Variants in ERI3 observed in about 807,000 individuals in gnomAD.
ERI3 encodes ERI1 exoribonuclease family member 3.
A neutral mutation model predicts 44.4 loss-of-function variants in ERI3; 18 were observed. The observed-to-expected ratio is 0.41, with a 90% CI of 0.28 to 0.60. The LOEUF is 0.60. Among genes scored for constraint, ERI3 ranks in the 20% least tolerant of loss-of-function variants. The pLI is 0.36. For missense variants in ERI3, 294 were observed against 435.5 expected, an observed-to-expected ratio of 0.68 and a Z score of 2.89; for synonymous variants, 183 against 164.8, an observed-to-expected ratio of 1.11 and a Z score of -0.84.
chr1:44,353,393 A>C (rs1646935866), intron 1 of ERI3: 1 of 985,362 alleles, frequency 1.0e-6, no homozygotes, highest in Admixed American at 6.1e-5. Flanking sequence ...TTCAAGCTCT[A>C]AGAAAGTCAA....
intron 6 of ERI3, among the ~76,000 whole-genome samples, chr1:44,288,955 G>A (rs1028406880): frequency 5.3e-5 from 8 of 152,120 alleles, no homozygotes; most frequent in Non-Finnish European, 7.4e-5. Flanking sequence ...ACTAGCCTGC[G>A]GGCACAAACG....
rs1442618275 is a variant in ERI3, at chr1:44,313,307, T to G, written c.607-79A>C. 3 of 1,358,418 alleles carry G rather than the reference T, an allele frequency of 2.2e-6. No individual in the cohort carries two copies. The Admixed American group carries it at 5.4e-5, about 24-fold the overall frequency. The allele number at this position is 1,358,418 out of a possible 1,614,324, so 84.1% of individuals were successfully genotyped here. ...AGGCTGAACAGGACCCCTTCCTTTC[T>G]GTTTTTCTCCTTCTGTTGTAAAGGG... On this transcript the variant is annotated intron_variant, in intron 4 of 8. Coordinates refer to ENST00000372257, the MANE Select transcript of ERI3 (RefSeq NM_024066.3).
intron 8 of ERI3, among the ~76,000 whole-genome samples, chr1:44,222,888 C>G (rs546852219): frequency 6.6e-6 from 1 of 152,350 alleles, no homozygotes; most frequent in East Asian, 1.9e-4. Flanking sequence ...GGTCAGGAAG[C>G]CTCTGCATGT....
intron 6 of ERI3, among the ~76,000 whole-genome samples, chr1:44,300,185 G>T (rs949546901): frequency 6.6e-6 from 1 of 152,182 alleles, no homozygotes; most frequent in African/African-American, 2.4e-5. Flanking sequence ...AAAGCATGAG[G>T]CTCCTACTGC....
intron 6 of ERI3, among the ~76,000 whole-genome samples, chr1:44,285,418 G>A (rs1645373903): frequency 6.6e-6 from 1 of 152,166 alleles, no homozygotes; most frequent in Non-Finnish European, 1.5e-5. Flanking sequence ...CAAGATAGGA[G>A]GAGAGAAAGG....
At chr1:44,301,329 T>G in intron 6 of ERI3, among the ~76,000 whole-genome samples, 1 of 152,182 alleles carries the variant, frequency 6.6e-6, no homozygotes, top group East Asian at 1.9e-4. Context: ...GAGCCTGGGC[T>G]GATTCTGAGC....
chr1:44,284,856 C>T lies in ERI3; in HGVS notation c.810G>A (p.Lys270=). The change falls in exon 7 of 9, where the codon AAG becomes AAA. Residue 270 remains lysine, a synonymous_variant. Coordinates refer to ENST00000372257, the MANE Select transcript of ERI3 (RefSeq NM_024066.3). The part of the protein sequence containing the change: ...YLGLPVADYF[K]QWINLKKAYS... ...GTACCTTTTTCAGATTAATCCACTGCTTGAAGTAATCCGCCACTGGCAAGC... is the reference window on the plus strand; with the variant it reads ...GTACCTTTTTCAGATTAATCCACTGTTTGAAGTAATCCGCCACTGGCAAGC... 3 of 1,614,098 alleles carry T rather than the reference C, an allele frequency of 1.9e-6. No individual in the cohort carries two copies. The highest frequency in any genetic ancestry group is 2.5e-6 in the Non-Finnish European group (3 of 1,179,976).
chr1:44,349,436 C>T (rs1436910492), intron 2 of ERI3, among the ~76,000 whole-genome samples: 2 of 152,156 alleles, frequency 1.3e-5, no homozygotes, highest in African/African-American at 2.4e-5. Context: ...GTTGGGATTA[C>T]AGGTGTGAGC....
In ERI3 at chr1:44,339,035, G is replaced by A. The variant is rs1255332640; in HGVS notation, c.489+10C>T. 1.2e-6 allele frequency: 2 copies of A among 1,608,212 alleles called. No homozygotes were observed. Among genetic ancestry groups the A allele is most frequent in the South Asian group, 1.1e-5 (1 of 90,880 alleles). On this transcript the variant is annotated intron_variant, in intron 3 of 8. Transcript: ENST00000372257. ...CCCCACCTTTTCTAAAGCAATGATG[G>A]AACAGTTACCTGAGGATGAATCTGT...
At chr1:44,286,374 G>C (rs1183295167) in intron 6 of ERI3, among the ~76,000 whole-genome samples, 1 of 152,104 alleles carries the variant, frequency 6.6e-6, no homozygotes, top group African/African-American at 2.4e-5. Flanking sequence ...CCTAGTTTGA[G>C]GCACCTAGGA....
intron 3 of ERI3, chr1:44,323,053 C>T (rs935386406): frequency 3.8e-6 from 3 of 789,288 alleles, no homozygotes; most frequent in Non-Finnish European, 5.3e-6. Context: ...CATCATTCCC[C>T]TAGGAAGAGG....
intron 2 of ERI3, among the ~76,000 whole-genome samples, chr1:44,347,212 A>C (rs1646802592): frequency 6.6e-6 from 1 of 152,252 alleles, no homozygotes. Context: ...TTTAACTAAA[A>C]GTAACTCAAC....
chr1:44,325,108 ACT>A (rs1646283172), intron 3 of ERI3, among the ~76,000 whole-genome samples: 1 of 129,494 alleles, frequency 7.7e-6, no homozygotes, highest in African/African-American at 3.0e-5. Context: ...TCGGAGTCTC[ACT>A]CTGTCACTCA....
At chr1:44,320,348 A>G (rs1226422288) in intron 3 of ERI3, among the ~76,000 whole-genome samples, 2 of 152,248 alleles carry the variant, frequency 1.3e-5, no homozygotes, top group Non-Finnish European at 2.9e-5. Context: ...CGCCAGCCCA[A>G]TCGCTTAGCT....
intron 7 of ERI3, among the ~76,000 whole-genome samples, chr1:44,249,994 A>T (rs1644641810): frequency 1.3e-5 from 2 of 152,098 alleles, no homozygotes; most frequent in African/African-American, 4.8e-5. Context: ...AGGAAGGGGG[A>T]AAAAAGAAGG....
intron 3 of ERI3, among the ~76,000 whole-genome samples, chr1:44,338,295 T>C (rs1646576249): frequency 1.3e-5 from 2 of 152,254 alleles, no homozygotes; most frequent in Non-Finnish European, 2.9e-5. Flanking sequence ...GTGGCTTAGC[T>C]GGCTGGTCTG....
At position 44,264,879 on chromosome 1, in the gene ERI3, A is replaced by C. The variant is rs1644960024; in HGVS notation, c.832-16841T>G. Among the ~76,000 whole-genome samples, 3 of 152,352 alleles carry C rather than the reference A, an allele frequency of 2.0e-5. No homozygotes were observed. In the Middle Eastern group the frequency reaches 0.01, roughly 522 times the overall value. ...CAAACTATTAGGGTGAGTTAAGTAC[A>C]AAGAAAAGAGAACTATTGGTTTTAC... On this transcript the variant is annotated intron_variant, in intron 7 of 8. Coordinates refer to ENST00000372257, the MANE Select transcript of ERI3 (RefSeq NM_024066.3).
intron 3 of ERI3, among the ~76,000 whole-genome samples, chr1:44,329,115 T>C (rs1355465894): frequency 6.6e-6 from 1 of 152,176 alleles, no homozygotes. Flanking sequence ...GAAAAAAACC[T>C]TCCTCTGTCC....
At position 44,355,106 on chromosome 1, in the gene ERI3, C is replaced by G. The variant is rs1572368759; in HGVS notation, c.-80G>C. ...CGACGTCTCCCTCGGCCTCAGCAAG[C>G]GCTCAGGGCAGTTGGCGGCGGCGGG... On this transcript the variant is annotated 5_prime_UTR_variant, in exon 1 of 9. Coordinates refer to ENST00000372257, the MANE Select transcript of ERI3 (RefSeq NM_024066.3). 2 of 1,248,714 alleles carry G rather than the reference C, an allele frequency of 1.6e-6. No individual in the cohort carries two copies. Among genetic ancestry groups the G allele is most frequent in the African/African-American group, 3.1e-5 (2 of 64,490 alleles). The allele number at this position is 1,248,714 out of a possible 1,614,324, so 77.4% of individuals were successfully genotyped here. A position where few individuals can be genotyped will look rare whatever the true frequency, so the allele number is the denominator to read the frequency against.
Sources: allele counts gnomAD v4.1 joint callset (sites outside exome capture counted in the v4.1 genomes callset), GRCh38; gene constraint gnomAD v4.1.1; transcripts MANE v1.5; gene names NCBI Gene and HGNC (gene_info 2026-07-23, HGNC 2026-07-21).